The following DCHS2 variants were observed in gnomAD, a reference collection of about 807,000 sequenced individuals.
DCHS2 encodes the protein protocadherin-23.
A neutral mutation model predicts 182.4 loss-of-function variants in DCHS2; 142 were observed. The observed-to-expected ratio is 0.78, with a 90% CI of 0.68 to 0.89. DCHS2 has a LOEUF of 0.89. Among genes scored for constraint, DCHS2 ranks in the 40% least tolerant of loss-of-function variants. DCHS2 has a pLI of 0.00. For synonymous variants in DCHS2, 1,740 were observed against 1,663.3 expected (o/e 1.05, Z -1.12); for missense variants, 4,319 against 4,198.6 (o/e 1.03, Z -0.79).
At chr4:154,284,096 T>C (rs990656067) in intron 13 of DCHS2, among the ~76,000 whole-genome samples, 2 of 152,196 alleles carry the variant, frequency 1.3e-5, no homozygotes, top group African/African-American at 2.4e-5. Flanking sequence ...CTTAAAGAAA[T>C]GCCTTTTAAG....
At chr4:154,447,898 C>T (rs1286119190) in intron 1 of DCHS2, among the ~76,000 whole-genome samples, 1 of 152,080 alleles carries the variant, frequency 6.6e-6, no homozygotes, top group Non-Finnish European at 1.5e-5. Context: ...CCCTTAAACA[C>T]ACTCCCTCAA....
intron 2 of DCHS2, among the ~76,000 whole-genome samples, chr4:154,373,463 TAC>T (rs966507261): frequency 6.6e-5 from 10 of 152,306 alleles, no homozygotes; most frequent in Non-Finnish European, 1.2e-4. Flanking sequence ...TGTGTATACA[TAC>T]ACATACACTC....
intron 1 of DCHS2, among the ~76,000 whole-genome samples, chr4:154,409,581 T>G (rs947291485): frequency 3.3e-5 from 5 of 152,088 alleles, no homozygotes; most frequent in African/African-American, 1.2e-4. Flanking sequence ...GTGGGTAATC[T>G]TCATCCAAAC....
chr4:154,443,101 C>T (rs1373177177), intron 1 of DCHS2, among the ~76,000 whole-genome samples: 1 of 151,698 alleles, frequency 6.6e-6, no homozygotes, highest in East Asian at 1.9e-4. Context: ...CGCCTCATGC[C>T]CTCACTTCCT....
intron 13 of DCHS2, among the ~76,000 whole-genome samples, chr4:154,296,158 G>T (rs527389627): frequency 4.6e-5 from 7 of 152,164 alleles, no homozygotes; most frequent in Non-Finnish European, 2.9e-5. Flanking sequence ...TTCTTATCAT[G>T]ACAATCAAAG....
At chr4:154,372,384 G>A (rs1265996492) in intron 2 of DCHS2, among the ~76,000 whole-genome samples, 1 of 152,188 alleles carries the variant, frequency 6.6e-6, no homozygotes, top group African/African-American at 2.4e-5. Flanking sequence ...CACAAACTAT[G>A]AGCACAACTT....
In DCHS2 at chr4:154,425,860, G is replaced by C. The variant is rs1733303333; in HGVS notation, c.2053-48416C>G. On this transcript the variant is annotated intron_variant, in intron 1 of 19. Transcript: ENST00000357232. Reference sequence around the variant, plus strand: ...TTGGCCCACCCACAGTCTGAGAGCTGTTCTGGCCCTGGGCAAAAAAATGAG... The same window carrying C: ...TTGGCCCACCCACAGTCTGAGAGCTCTTCTGGCCCTGGGCAAAAAAATGAG... Among the ~76,000 whole-genome samples the C allele has an allele frequency of 3.3e-5, 5 of 152,178 alleles. No individual in the cohort carries two copies. In the South Asian group the frequency reaches 1.0e-3, roughly 32 times the overall value.
intron 1 of DCHS2, chr4:154,486,400 G>A (rs1244391853): frequency 3.1e-6 from 4 of 1,303,294 alleles, no homozygotes; most frequent in Non-Finnish European, 4.1e-6. Flanking sequence ...GAAGTTAAAG[G>A]GTTTGTTTTT....
At chr4:154,383,738 C>T (rs1746450262) in intron 1 of DCHS2, among the ~76,000 whole-genome samples, 2 of 152,052 alleles carry the variant, frequency 1.3e-5, no homozygotes, top group African/African-American at 2.4e-5. Context: ...CAGCCAGACT[C>T]CACCCAAAAG....
chr4:154,366,513 G>T, intron 2 of DCHS2, 72 bp from the exon 3 acceptor site: 3 of 994,206 alleles, frequency 3.0e-6, no homozygotes, highest in Non-Finnish European at 3.1e-6. Context: ...ATTGACAATG[G>T]CCCTACAATA....
At chr4:154,482,012 G>A (rs1333339194) in intron 1 of DCHS2, among the ~76,000 whole-genome samples, 1 of 152,170 alleles carries the variant, frequency 6.6e-6, no homozygotes, top group African/African-American at 2.4e-5. Flanking sequence ...GATAAAGCCT[G>A]AAATGAAGGT....
chr4:154,342,499 T>C (rs181182128), intron 3 of DCHS2, among the ~76,000 whole-genome samples: 5 of 152,238 alleles, frequency 3.3e-5, no homozygotes, highest in Admixed American at 3.3e-4. Context: ...TCCTAGGCCC[T>C]ACTGATGATT....
chr4:154,365,830 A>G (rs1364250931), intron 3 of DCHS2, among the ~76,000 whole-genome samples: 2 of 149,394 alleles, frequency 1.3e-5, no homozygotes, highest in Non-Finnish European at 3.0e-5. Flanking sequence ...TTTTTTTTTT[A>G]ATAGAACCAG....
chr4:154,328,027 G>T, intron 7 of DCHS2, 66 bp downstream of exon 7: 5 of 1,156,270 alleles, frequency 4.3e-6, no homozygotes, highest in Non-Finnish European at 6.1e-6. Context: ...TCCCAGAAGG[G>T]GATAGTTGAT....
At position 154,251,582 on chromosome 4, in the gene DCHS2, G is replaced by A. The variant is rs535523800; in HGVS notation, c.6941+3937C>T. 5.9e-5 allele frequency among the ~76,000 whole-genome samples: 9 copies of A among 152,148 alleles called. No homozygotes were observed. The East Asian group carries it at 7.7e-4, about 13-fold the overall frequency. The stretch of plus-strand genomic sequence containing the variant: ...TGCCCAGGCTGGAGTGCAGTGGTGC[G>A]ATCTCAGCTCACTGCAATCTCCACC... On this transcript the variant is annotated intron_variant, in intron 16 of 19. Coordinates refer to ENST00000357232, the MANE Select transcript of DCHS2 (RefSeq NM_001358235.2).
intron 3 of DCHS2, among the ~76,000 whole-genome samples, chr4:154,341,022 G>C (rs1398923127): frequency 3.3e-5 from 5 of 152,142 alleles, no homozygotes; most frequent in Admixed American, 6.6e-5. Flanking sequence ...TTTATGTGGG[G>C]GGAGAATCGT....
chr4:154,347,509 G>A (rs1174797386), intron 3 of DCHS2, among the ~76,000 whole-genome samples: 3 of 151,540 alleles, frequency 2.0e-5, no homozygotes, highest in Non-Finnish European at 1.5e-5. Flanking sequence ...CTGCTATGAG[G>A]ATAAAATTAC....
In DCHS2 at chr4:154,332,860, T is replaced by G; in HGVS notation, c.3348A>C (p.Ala1116=). ...TQAHPLGPQR[A]ASPLRYSLEP... ...CCAGCGAGTACCTAAGAGGCGAGGC[T>G]GCACGCTGGGGGCCAAGTGGGTGCG... is the stretch of plus-strand genomic sequence containing the variant. Residue 1116 remains alanine (A), a synonymous_variant, in exon 5 of 20, where the codon GCA becomes GCC. Coordinates refer to ENST00000357232, the MANE Select transcript of DCHS2 (RefSeq NM_001358235.2). 1 of 1,614,220 alleles carries G rather than the reference T, an allele frequency of 6.2e-7. No homozygotes were observed. Among genetic ancestry groups the G allele is most frequent in the Non-Finnish European group, 8.5e-7 (1 of 1,180,018 alleles).
intron 1 of DCHS2, among the ~76,000 whole-genome samples, chr4:154,379,131 T>G (rs1407189505): frequency 1.3e-5 from 2 of 151,794 alleles, no homozygotes; most frequent in East Asian, 3.9e-4. Context: ...TTCCCACTAA[T>G]GGACATCACA....
Sources: gnomAD v4.1 joint callset for allele counts (sites outside exome capture counted in the v4.1 genomes callset) on GRCh38, gnomAD v4.1.1 for gene constraint, MANE v1.5 for transcripts, NCBI Gene and HGNC (gene_info 2026-07-23, HGNC 2026-07-21) for gene names.